Variants in LCP2 observed in about 807,000 individuals in gnomAD.
LCP2 encodes the protein 76 kDa tyrosine phosphoprotein.
Under a neutral mutation model 74.5 loss-of-function variants are expected in LCP2, and 29 were observed. That is an observed-to-expected ratio of 0.39 (90% CI 0.29 to 0.53). The LOEUF (loss-of-function observed/expected upper bound fraction) is 0.53. Among genes scored for constraint, LCP2 ranks in the 20% least tolerant of loss-of-function variants. The pLI is 0.72. For synonymous variants in LCP2, 228 were observed against 229.5 expected (o/e 0.99, Z 0.06); for missense variants, 604 against 634.6 (o/e 0.95, Z 0.52).
chr5:170,289,806 C>G (rs1456211895), intron 2 of LCP2, among the ~76,000 whole-genome samples: 2 of 143,282 alleles, frequency 1.4e-5, no homozygotes, highest in South Asian at 2.2e-4. Context: ...CTGAACTACT[C>G]CCACTCAGGG....
chr5:170,288,581 T>G (rs890551509), intron 2 of LCP2, among the ~76,000 whole-genome samples: 12 of 152,158 alleles, frequency 7.9e-5, no homozygotes, highest in African/African-American at 1.2e-4. Flanking sequence ...AGAAAGAAAC[T>G]CATATTTGTC....
At chr5:170,290,860 C>A (rs1581077086) in intron 2 of LCP2, among the ~76,000 whole-genome samples, 1 of 151,320 alleles carries the variant, frequency 6.6e-6, no homozygotes, top group African/African-American at 2.4e-5. Flanking sequence ...AGAAGCATAG[C>A]TTCTACCAGA....
Position 170,270,829 on chromosome 5 carries a change from G to A in LCP2, c.413C>T (p.Pro138Leu), listed in dbSNP as rs1172335425. ...CTCATAATCCGCGTCATCTTCCACG[G>A]GTGCCTCTTCCTCCTCATTGGGGGA... ...YESPNEEEEAPVEDDADYEPP... is the reference protein window; with the variant it reads ...YESPNEEEEALVEDDADYEPP... The change falls in exon 7 of 21, where the codon CCC (proline) becomes CTC (leucine). Residue 138 changes from proline (P) to leucine (L), a missense_variant. Transcript: ENST00000046794. 1 of 1,611,622 alleles carries A rather than the reference G, an allele frequency of 6.2e-7. No individual in the cohort carries two copies.
intron 16 of LCP2, among the ~76,000 whole-genome samples, chr5:170,257,389 G>A (rs1323429419): frequency 6.6e-6 from 1 of 152,148 alleles, no homozygotes; most frequent in East Asian, 1.9e-4. Flanking sequence ...TGAGTCTTGT[G>A]GGTGGTTGAG....
chr5:170,293,430 T>C, intron 1 of LCP2, 58 bp from the exon 2 acceptor site: 1 of 1,505,416 alleles, frequency 6.6e-7, no homozygotes, highest in Non-Finnish European at 9.1e-7. Flanking sequence ...CATTGGTTCC[T>C]CTCCCTTGCC....
chr5:170,258,163 T>C lies in LCP2; in HGVS notation c.974A>G (p.His325Arg). ...DRRENDEDDV[H>R]QRPLPQPALL... ...TGCTGGCTGGGGCAAAGGTCTCTGA[T>C]GCACTGTGCAGAAGTAGAAAACAAT... The change falls in exon 16 of 21, where the codon CAT becomes CGT. Residue 325 changes from histidine (H) to arginine (R), a missense_variant. His to Arg is a conservative substitution (Grantham distance 29). Transcript: ENST00000046794. The C allele has an allele frequency of 1.9e-6, 3 of 1,613,928 alleles. No homozygotes were observed. The highest frequency in any genetic ancestry group is 2.2e-5 in the East Asian group (1 of 44,878).
At chr5:170,269,738 G>C (rs1379910416) in intron 7 of LCP2, among the ~76,000 whole-genome samples, 6 of 152,176 alleles carry the variant, frequency 3.9e-5, no homozygotes, top group Non-Finnish European at 5.9e-5. Flanking sequence ...TGCGTCACCT[G>C]CCAGACTGTC....
At chr5:170,274,874 G>GCT (rs1761978704) in intron 5 of LCP2, among the ~76,000 whole-genome samples, 1 of 151,968 alleles carries the variant, frequency 6.6e-6, no homozygotes, top group Non-Finnish European at 1.5e-5. Flanking sequence ...CTACTCGGGA[G>GCT]GCTGAGGCAG....
At position 170,287,667 on chromosome 5, in the gene LCP2, C is replaced by A. The variant is rs143242381; in HGVS notation, c.188+303G>T. On this transcript the variant is annotated intron_variant, in intron 3 of 20. Transcript: ENST00000046794. Reference sequence around the variant, plus strand: ...TGGTGATGCCATGATGAAACCTTGACACTGATGCTATTTTCACAGGCCCAA... The same window carrying A: ...TGGTGATGCCATGATGAAACCTTGAAACTGATGCTATTTTCACAGGCCCAA... 1.6e-3 allele frequency: 697 copies of A among 429,792 alleles called. 9 individuals carry two copies. The highest frequency in any genetic ancestry group is 8.1e-3 in the South Asian group (298 of 37,002). The allele number at this position is 429,792 out of a possible 1,614,324, so 26.6% of individuals were successfully genotyped here.
At chr5:170,260,492 A>G (rs2113163121) in intron 14 of LCP2, among the ~76,000 whole-genome samples, 1 of 152,284 alleles carries the variant, frequency 6.6e-6, no homozygotes, top group East Asian at 1.9e-4. Flanking sequence ...CTGAGCCTCA[A>G]TTTCCTCTCC....
Position 170,275,616 on chromosome 5 carries a change from A to G in LCP2, c.254+179T>C, listed in dbSNP as rs1761993233. The G allele has an allele frequency of 1.2e-5, 8 of 654,526 alleles. No individual in the cohort carries two copies. In the Admixed American group the frequency reaches 1.9e-4, roughly 15 times the overall value. 40.5% of individuals were successfully genotyped at this position (654,526 alleles called of 1,614,324 possible). A position where few individuals can be genotyped will look rare whatever the true frequency, so the allele number is the denominator to read the frequency against. The stretch of plus-strand genomic sequence containing the variant: ...TTCCCCTGATGTCCCAGACCCAGGG[A>G]CAGGATGCAGAGCAGGGGAGGGAAC... On this transcript the variant is annotated intron_variant, in intron 4 of 20. Coordinates refer to ENST00000046794, the MANE Select transcript of LCP2 (RefSeq NM_005565.5).
rs1281939105 is a variant in LCP2, at chr5:170,267,006, C to CA, written c.688+2dup. ...GGCAAGAGAGAGCAGCCCTTGTACTCACGCTTTGCCGTTTTGTGGTTTCTG... is the reference window on the plus strand; with the variant it reads ...GGCAAGAGAGAGCAGCCCTTGTACTCAACGCTTTGCCGTTTTGTGGTTTCTG... On this transcript the variant is annotated splice_region_variant and intron_variant, in intron 9 of 20. Coordinates refer to ENST00000046794, the MANE Select transcript of LCP2 (RefSeq NM_005565.5). 3 of 1,613,914 alleles carry CA rather than the reference C, an allele frequency of 1.9e-6. No individual in the cohort carries two copies. Among genetic ancestry groups the CA allele is most frequent in the Admixed American group, 1.7e-5 (1 of 60,010 alleles).
Position 170,257,707 on chromosome 5 carries a change from A to G in LCP2, c.1100+330T>C, listed in dbSNP as rs183996620. ...ATGCAGATGAACTTCAAGTACTTAG[A>G]CTAACTGGGTTTCTTAATTATTGTT... On this transcript the variant is annotated intron_variant, in intron 16 of 20. Coordinates refer to ENST00000046794, the MANE Select transcript of LCP2 (RefSeq NM_005565.5). Among the ~76,000 whole-genome samples the G allele has an allele frequency of 7.2e-5, 11 of 152,238 alleles. No individual in the cohort carries two copies. The East Asian group carries it at 9.7e-4, about 13-fold the overall frequency.
At chr5:170,269,445 A>C (rs1761852375) in intron 7 of LCP2, among the ~76,000 whole-genome samples, 1 of 152,166 alleles carries the variant, frequency 6.6e-6, no homozygotes, top group Non-Finnish European at 1.5e-5. Flanking sequence ...GCCTGATCTA[A>C]TTCCACCCTG....
chr5:170,272,390 C>T (rs1258411893), intron 6 of LCP2, among the ~76,000 whole-genome samples: 1 of 152,114 alleles, frequency 6.6e-6, no homozygotes, highest in Non-Finnish European at 1.5e-5. Context: ...CCAGTTGGGC[C>T]TCATCAGTGA....
chr5:170,278,509 G>A (rs1353241337), intron 3 of LCP2, among the ~76,000 whole-genome samples: 7 of 106,084 alleles, frequency 6.6e-5, no homozygotes, highest in Non-Finnish European at 9.8e-5. Context: ...GGGGTGGGGG[G>A]CTGGGGGGGA....
At chr5:170,251,420 CT>C (rs889183918) in intron 19 of LCP2, 4 of 213,016 alleles carry the variant, frequency 1.9e-5, no homozygotes, top group African/African-American at 9.2e-5. Flanking sequence ...CTTTTCTTTT[CT>C]TTTTTCTGAT....
chr5:170,248,881 C>G (rs537112993), intron 20 of LCP2, 62 bp from the exon 21 acceptor site: 2 of 1,562,256 alleles, frequency 1.3e-6, no homozygotes, highest in Admixed American at 3.5e-5. Flanking sequence ...ACTTCACTTT[C>G]AGTTTTTTTA....
intron 3 of LCP2, among the ~76,000 whole-genome samples, chr5:170,285,142 A>G (rs995690216): frequency 1.3e-5 from 2 of 152,134 alleles, no homozygotes; most frequent in Non-Finnish European, 2.9e-5. Context: ...CATGTCTACT[A>G]CTATTTTCTT....
Sources: allele counts gnomAD v4.1 joint callset (sites outside exome capture counted in the v4.1 genomes callset), GRCh38; gene constraint gnomAD v4.1.1; transcripts MANE v1.5; gene names NCBI Gene and HGNC (gene_info 2026-07-23, HGNC 2026-07-21).